Variants in CNTNAP2 observed in about 807,000 individuals in gnomAD.
The protein encoded by CNTNAP2 is contactin associated protein 2, also known as contactin-associated protein-like 2.
CNTNAP2 carries 98 observed loss-of-function variants against 155.2 expected under a neutral mutation model. The observed-to-expected ratio is 0.63, with a 90% CI of 0.54 to 0.75. The LOEUF is 0.75. Ranked by LOEUF, CNTNAP2 falls within the 30% of genes least tolerant of loss-of-function variation. The probability of loss-of-function intolerance (pLI) is 0.00; values close to 1 mark genes in which losing one functional copy is unlikely to be tolerated. For synonymous variants in CNTNAP2, 651 were observed against 631.2 expected (o/e 1.03, Z -0.47); for missense variants, 1,727 against 1,688.1 (o/e 1.02, Z -0.40).
At chr7:148,330,721 G>A (rs1374947059) in intron 21 of CNTNAP2, among the ~76,000 whole-genome samples, 1 of 147,140 alleles carries the variant, frequency 6.8e-6, no homozygotes, top group Non-Finnish European at 1.5e-5. Flanking sequence ...GAAGTGGATG[G>A]AGGGAATGGA....
At chr7:146,197,712 C>G (rs1320128452) in intron 1 of CNTNAP2, among the ~76,000 whole-genome samples, 4 of 152,058 alleles carry the variant, frequency 2.6e-5, no homozygotes, top group Non-Finnish European at 5.9e-5. Flanking sequence ...TAACAGTATG[C>G]TGACTTCATT....
intron 1 of CNTNAP2, among the ~76,000 whole-genome samples, chr7:146,416,336 A>C (rs1795938371): frequency 6.6e-6 from 1 of 151,770 alleles, no homozygotes; most frequent in African/African-American, 2.4e-5. Flanking sequence ...AAGGACGTAC[A>C]TCCACATTTT....
At chr7:147,631,437 A>G (rs191627140) in intron 12 of CNTNAP2, among the ~76,000 whole-genome samples, 119 of 152,316 alleles carry the variant, frequency 7.8e-4, no homozygotes, top group African/African-American at 2.7e-3. Flanking sequence ...TGCAATTTCC[A>G]TCAAAGTACC....
At chr7:147,852,768 T>A (rs1798970860) in intron 13 of CNTNAP2, among the ~76,000 whole-genome samples, 1 of 152,196 alleles carries the variant, frequency 6.6e-6, no homozygotes, top group South Asian at 2.1e-4. Flanking sequence ...ACATTGTGAG[T>A]GACTCTTGGT....
At chr7:146,832,467 CAT>C (rs906571918) in intron 2 of CNTNAP2, among the ~76,000 whole-genome samples, 2 of 148,530 alleles carry the variant, frequency 1.3e-5, no homozygotes, top group African/African-American at 4.9e-5. Context: ...TATACATTAA[CAT>C]ATATATTTAT....
At chr7:146,873,213 G>A (rs993939092) in intron 3 of CNTNAP2, among the ~76,000 whole-genome samples, 3 of 152,120 alleles carry the variant, frequency 2.0e-5, no homozygotes, top group African/African-American at 4.8e-5. Context: ...ATTACTGGAA[G>A]TAACCCTTTC....
intron 10 of CNTNAP2, among the ~76,000 whole-genome samples, chr7:147,424,644 T>A (rs889824067): frequency 3.3e-5 from 5 of 152,172 alleles, no homozygotes; most frequent in African/African-American, 1.2e-4. Context: ...TGTTGACTTA[T>A]CTCTCTAGCT....
chr7:146,553,126 C>G (rs1182009437), intron 1 of CNTNAP2, among the ~76,000 whole-genome samples: 2 of 152,014 alleles, frequency 1.3e-5, no homozygotes, highest in Non-Finnish European at 2.9e-5. Context: ...GTTATATCCC[C>G]TGATATGTCA....
chr7:146,426,619 C>T (rs1171355112), intron 1 of CNTNAP2, among the ~76,000 whole-genome samples: 3 of 118,064 alleles, frequency 2.5e-5, no homozygotes, highest in African/African-American at 9.4e-5. Flanking sequence ...TTCAATAACA[C>T]CTTTAAAAAA....
rs1029083575 is a variant in CNTNAP2 at position 146,848,114 on chromosome 7, T to C, written c.402+8210T>C. On this transcript the variant is annotated intron_variant, in intron 3 of 23. Coordinates refer to ENST00000361727, the MANE Select transcript of CNTNAP2 (RefSeq NM_014141.6). ...GCTGCACCAGGAACATCCAGGAGCTTGTCAGAGATGTAGAATCTCAGAGGC... is the reference window on the plus strand; with the variant it reads ...GCTGCACCAGGAACATCCAGGAGCTCGTCAGAGATGTAGAATCTCAGAGGC... Among the ~76,000 whole-genome samples the C allele has an allele frequency of 2.0e-5, 3 of 152,302 alleles. No individual in the cohort carries two copies. The East Asian group carries it at 5.8e-4, about 29-fold the overall frequency.
chr7:147,510,850 CAT>C lies in CNTNAP2; in HGVS notation c.1777+24829_1777+24830del, dbSNP rs61069153. ...AGTGCTCCTGTGATGGGCCTACAAC[CAT>C]ATATATATATATATATATAATGCTT... is the stretch of plus-strand genomic sequence containing the variant. On this transcript the variant is annotated intron_variant, in intron 11 of 23. Coordinates refer to ENST00000361727, the MANE Select transcript of CNTNAP2 (RefSeq NM_014141.6). 1.2e-3 allele frequency among the ~76,000 whole-genome samples: 93 copies of C among 76,310 alleles called. 2 individuals carry two copies. Among genetic ancestry groups the C allele is most frequent in the Middle Eastern group, 8.2e-3 (1 of 122 alleles). The allele number at this position is 76,310 out of a possible 152,430, so 50.1% of individuals were successfully genotyped here. A position where few individuals can be genotyped will look rare whatever the true frequency, so the allele number is the denominator to read the frequency against.
At chr7:147,944,989 C>G (rs944719418) in intron 14 of CNTNAP2, among the ~76,000 whole-genome samples, 1 of 152,104 alleles carries the variant, frequency 6.6e-6, no homozygotes, top group Non-Finnish European at 1.5e-5. Context: ...TTGATGCTCC[C>G]AGGCACAGTT....
intron 1 of CNTNAP2, among the ~76,000 whole-genome samples, chr7:146,435,640 T>C (rs954768438): frequency 6.6e-6 from 1 of 152,184 alleles, no homozygotes; most frequent in African/African-American, 2.4e-5. Flanking sequence ...AATCAGGCAG[T>C]ATATTATATA....
At chr7:148,006,676 A>G (rs1178664376) in intron 15 of CNTNAP2, among the ~76,000 whole-genome samples, 1 of 150,348 alleles carries the variant, frequency 6.7e-6, no homozygotes, top group Non-Finnish European at 1.5e-5. Flanking sequence ...TTAGGCTTAC[A>G]GACTTGACTC....
At chr7:147,861,840 A>T (rs1237653570) in intron 13 of CNTNAP2, among the ~76,000 whole-genome samples, 1 of 151,784 alleles carries the variant, frequency 6.6e-6, no homozygotes, top group African/African-American at 2.4e-5. Context: ...ACATGGTAAA[A>T]CCCCATGTCT....
At chr7:148,320,815 T>C (rs542298529) in intron 21 of CNTNAP2, among the ~76,000 whole-genome samples, 1 of 152,244 alleles carries the variant, frequency 6.6e-6, no homozygotes, top group African/African-American at 2.4e-5. Context: ...TGAAAAAAAT[T>C]AATTGAATAC....
At chr7:147,587,424 C>G (rs1344604776) in intron 12 of CNTNAP2, among the ~76,000 whole-genome samples, 4 of 152,184 alleles carry the variant, frequency 2.6e-5, no homozygotes, top group Non-Finnish European at 5.9e-5. Context: ...TTGACAGAGA[C>G]AAGAGAATCC....
intron 1 of CNTNAP2, among the ~76,000 whole-genome samples, chr7:146,199,280 G>A (rs1373503592): frequency 2.0e-5 from 3 of 152,104 alleles, no homozygotes; most frequent in Non-Finnish European, 2.9e-5. Flanking sequence ...TAGAGAAATA[G>A]CAGATATAAT....
intron 4 of CNTNAP2, among the ~76,000 whole-genome samples, chr7:147,084,068 C>G (rs1236603008): frequency 5.1e-5 from 5 of 97,636 alleles, no homozygotes; most frequent in Non-Finnish European, 7.5e-5. Flanking sequence ...ATATATAATA[C>G]ATATATGCAT....
Sources: gnomAD v4.1 joint callset for allele counts (sites outside exome capture counted in the v4.1 genomes callset) on GRCh38, gnomAD v4.1.1 for gene constraint, MANE v1.5 for transcripts, NCBI Gene and HGNC (gene_info 2026-07-23, HGNC 2026-07-21) for gene names.